Variants in RIOX2 observed in about 807,000 individuals in gnomAD.
RIOX2 encodes the protein ribosomal oxygenase 2, also known as 60S ribosomal protein L27a histidine hydroxylase.
A neutral mutation model predicts 51.2 loss-of-function variants in RIOX2; 43 were observed. The observed-to-expected ratio is 0.84, with a 90% confidence interval of 0.66 to 1.08. The LOEUF is 1.08. RIOX2 is among the 50% of genes least tolerant of loss of function. The pLI is 0.00. For synonymous variants in RIOX2, 226 were observed against 218.5 expected, an observed-to-expected ratio of 1.03 and a Z score of -0.30; for missense variants, 566 against 561.7, an observed-to-expected ratio of 1.01 and a Z score of -0.08.
intron 4 of RIOX2, among the ~76,000 whole-genome samples, chr3:97,957,918 T>C (rs1393367595): frequency 6.6e-6 from 1 of 152,160 alleles, no homozygotes; most frequent in Non-Finnish European, 1.5e-5. Context: ...TGGTGTAGTA[T>C]GAACACAGGA....
Position 97,954,430 on chromosome 3 carries a change from G to C in RIOX2, c.747C>G (p.Ala249=), listed in dbSNP as rs752768571. The change falls in exon 5 of 10, where the codon GCC becomes GCG. Residue 249 remains alanine, a synonymous_variant. Coordinates refer to ENST00000394198, the MANE Select transcript of RIOX2 (RefSeq NM_153182.4). The stretch of plus-strand genomic sequence containing the variant: ...TGCTGATGGTCACGTGAGTAGAGTG[G>C]GCCAGCCCCGCAGGAGTGTCCGCTT... ...IHQADTPAGL[A]HSTHVTISTY... 6.2e-7 allele frequency: 1 copy of C among 1,614,048 alleles called. No homozygotes were observed. Among genetic ancestry groups the C allele is most frequent in the Non-Finnish European group, 8.5e-7 (1 of 1,179,926 alleles).
At chr3:97,962,603 T>C (rs1705728598) in intron 2 of RIOX2, among the ~76,000 whole-genome samples, 1 of 152,226 alleles carries the variant, frequency 6.6e-6, no homozygotes, top group African/African-American at 2.4e-5. Flanking sequence ...CGATGGGCCA[T>C]ATATTCCCAG....
intron 1 of RIOX2, among the ~76,000 whole-genome samples, chr3:97,968,797 T>G (rs1487118419): frequency 1.3e-5 from 2 of 152,146 alleles, no homozygotes. Flanking sequence ...CCTGACAAGG[T>G]TAAGAACCAC....
intron 1 of RIOX2, among the ~76,000 whole-genome samples, chr3:97,968,067 C>G (rs759908512): frequency 6.6e-6 from 1 of 152,178 alleles, no homozygotes; most frequent in Non-Finnish European, 1.5e-5. Context: ...GAGTTACAAA[C>G]ATTTGACTAG....
intron 2 of RIOX2, among the ~76,000 whole-genome samples, chr3:97,966,337 AG>A (rs774267800): frequency 1.3e-5 from 2 of 152,192 alleles, no homozygotes; most frequent in Non-Finnish European, 2.9e-5. Flanking sequence ...GGGTCACAGA[AG>A]GGGGTTTCTG....
chr3:97,962,374 A>T (rs1404661574), intron 2 of RIOX2, among the ~76,000 whole-genome samples: 1 of 22,248 alleles, frequency 4.5e-5, no homozygotes, highest in Non-Finnish European at 1.0e-4. Context: ...CCCCCCCCCC[A>T]CATGGAGATG....
At chr3:97,949,515 T>C (rs1295813535) in intron 7 of RIOX2, among the ~76,000 whole-genome samples, 1 of 152,150 alleles carries the variant, frequency 6.6e-6, no homozygotes, top group Non-Finnish European at 1.5e-5. Flanking sequence ...TCCAACAAGA[T>C]TATTTCAATG....
In RIOX2 at chr3:97,965,249, C is replaced by T. The variant is rs1044182069; in HGVS notation, c.432+1913G>A. Among the ~76,000 whole-genome samples, 11 of 148,904 alleles carry T rather than the reference C, an allele frequency of 7.4e-5. No individual in the cohort carries two copies. The East Asian group carries it at 7.8e-4, about 11-fold the overall frequency. Reference sequence around the variant, plus strand: ...AAAAAAGGCCCAGCACAGTGGCTCACGCCTGTAATCCCAGCACTTTGGGAA... The same window carrying T: ...AAAAAAGGCCCAGCACAGTGGCTCATGCCTGTAATCCCAGCACTTTGGGAA... On this transcript the variant is annotated intron_variant, in intron 2 of 9. Transcript: ENST00000394198.
rs540612033 is a variant in RIOX2, at chr3:97,943,613, C to A, written c.*1571G>T. The A allele has an allele frequency of 3.1e-6, 1 of 323,478 alleles. No individual in the cohort carries two copies. Among genetic ancestry groups the A allele is most frequent in the South Asian group, 3.8e-5 (1 of 26,582 alleles). The allele number at this position is 323,478 out of a possible 1,614,324, so 20.0% of individuals were successfully genotyped here. Reference sequence around the variant, plus strand: ...AGTGTTTATTTTCTCTCATATCCACCAAACGTGAATCCTGTTCCTGATGGC... The same window carrying A: ...AGTGTTTATTTTCTCTCATATCCACAAAACGTGAATCCTGTTCCTGATGGC... On this transcript the variant is annotated 3_prime_UTR_variant, in exon 10 of 10. Coordinates refer to ENST00000394198, the MANE Select transcript of RIOX2 (RefSeq NM_153182.4).
In RIOX2 at chr3:97,967,312, C is replaced by T; in HGVS notation, c.282G>A (p.Met94Ile). ...AGACATTCACATCTCTTCCATAGTA[C>T]ATCCCCCGGCTGCACAGACTCTTCA... ...TDLKSLCSRGMYYGRDVNVCR... is the reference protein window; with the variant it reads ...TDLKSLCSRGIYYGRDVNVCR... Residue 94 changes from methionine to isoleucine, a missense_variant, in exon 2 of 10, where the codon ATG becomes ATA. By Grantham distance (10) the Met-to-Ile change is conservative. Transcript: ENST00000394198. 6.2e-7 allele frequency: 1 copy of T among 1,614,226 alleles called. No individual in the cohort carries two copies. Among genetic ancestry groups the T allele is most frequent in the Non-Finnish European group, 8.5e-7 (1 of 1,180,054 alleles).
intron 7 of RIOX2, 64 bp downstream of exon 7, chr3:97,949,780 C>T: frequency 6.8e-7 from 1 of 1,474,962 alleles, no homozygotes. Flanking sequence ...AGGAGCCTAC[C>T]CAGAAAAACC....
chr3:97,945,790 A>G lies in RIOX2; in HGVS notation c.1239+8T>C. ...CAGGATAGGCATTTGTTTTCAGTTG[A>G]AACAAACCTCTGTTTCCTCCTCATT... On this transcript the variant is annotated splice_region_variant and intron_variant, in intron 9 of 9. Transcript: ENST00000394198. 1 of 1,602,474 alleles carries G rather than the reference A, an allele frequency of 6.2e-7. No homozygotes were observed. Among genetic ancestry groups the G allele is most frequent in the Non-Finnish European group, 8.5e-7 (1 of 1,171,194 alleles).
At chr3:97,971,256 T>G (rs898991827) in intron 1 of RIOX2, among the ~76,000 whole-genome samples, 33 of 152,236 alleles carry the variant, frequency 2.2e-4, no homozygotes, top group Non-Finnish European at 4.3e-4. Context: ...ACCAGCAAGG[T>G]TGTTAGCATG....
At chr3:97,960,171 T>C (rs1705622505) in intron 3 of RIOX2, among the ~76,000 whole-genome samples, 1 of 152,198 alleles carries the variant, frequency 6.6e-6, no homozygotes, top group Admixed American at 6.5e-5. Context: ...CTACTGCTAC[T>C]GCAAGTACTC....
rs368154507 is a variant in RIOX2, at chr3:97,961,650, G to A, written c.491C>T (p.Ser164Leu). ...TCCTGCGGGAGTTATGTACACATTC[G>A]AGCCAACCAAGGAGCCAAAGTAACA... The part of the protein sequence containing the change: ...LECYFGSLVG[S>L]NVYITPAGSQ... The change falls in exon 3 of 10, where the codon TCG becomes TTG. Residue 164 changes from serine (S) to leucine (L), a missense_variant. Transcript: ENST00000394198. The A allele has an allele frequency of 1.9e-5, 31 of 1,612,306 alleles. No individual in the cohort carries two copies. Among genetic ancestry groups the A allele is most frequent in the Middle Eastern group, 1.6e-4 (1 of 6,074 alleles).
chr3:97,959,653 T>C (rs1032796000), intron 3 of RIOX2, among the ~76,000 whole-genome samples: 1 of 152,202 alleles, frequency 6.6e-6, no homozygotes, highest in Non-Finnish European at 1.5e-5. Context: ...GCTTATATGC[T>C]GATTTTTTTC....
In RIOX2 at chr3:97,943,143, C is replaced by A; in HGVS notation, c.*2041G>T. 1.3e-6 allele frequency: 1 copy of A among 742,610 alleles called. No homozygotes were observed. The highest frequency in any genetic ancestry group is 1.7e-5 in the South Asian group (1 of 58,862). The allele number at this position is 742,610 out of a possible 1,614,324, so 46.0% of individuals were successfully genotyped here. Reference sequence around the variant, plus strand: ...CACATTCATCCACCGAAATGGTGAGCTGAACAGAAGCTTGTGAAAATTGTG... The same window carrying A: ...CACATTCATCCACCGAAATGGTGAGATGAACAGAAGCTTGTGAAAATTGTG... On this transcript the variant is annotated 3_prime_UTR_variant, in exon 10 of 10. Transcript: ENST00000394198.
Position 97,950,016 on chromosome 3 carries a change from C to G in RIOX2, c.889-1G>C. 1 of 1,613,178 alleles carries G rather than the reference C, an allele frequency of 6.2e-7. No homozygotes were observed. The highest frequency in any genetic ancestry group is 8.5e-7 in the Non-Finnish European group (1 of 1,179,782). The stretch of plus-strand genomic sequence containing the variant: ...TAGCAACAGTTGTGGATTCCACCTG[C>G]TAGGAACACAGAAGTGAGTCCTGGC... On this transcript the variant is annotated splice_acceptor_variant, in intron 6 of 9. Transcript: ENST00000394198. LOFTEE classifies it high-confidence loss of function.
At chr3:97,970,768 T>C (rs776829896) in intron 1 of RIOX2, among the ~76,000 whole-genome samples, 2 of 152,228 alleles carry the variant, frequency 1.3e-5, no homozygotes, top group Non-Finnish European at 2.9e-5. Flanking sequence ...GTTCATACTT[T>C]GGTGACTACC....
Sources: gnomAD v4.1 joint callset for allele counts (sites outside exome capture counted in the v4.1 genomes callset) on GRCh38, gnomAD v4.1.1 for gene constraint, MANE v1.5 for transcripts, NCBI Gene and HGNC (gene_info 2026-07-23, HGNC 2026-07-21) for gene names.